The following NELL1 variants were observed in gnomAD, a reference collection of about 807,000 sequenced individuals.
The protein encoded by NELL1 is neural EGFL like 1.
NELL1 carries 76 observed loss-of-function variants against 107.4 expected under a neutral mutation model. That is an observed-to-expected ratio of 0.71 (90% CI 0.59 to 0.86). NELL1 has a LOEUF of 0.86. Among genes scored for constraint, NELL1 ranks in the 40% least tolerant of loss-of-function variants. The pLI is 0.00. For missense variants in NELL1, 1,024 were observed against 1,005.5 expected (o/e 1.02, Z -0.25); for synonymous variants, 353 against 341.2 (o/e 1.03, Z -0.38).
At chr11:20,998,916 A>G (rs1298210881) in intron 12 of NELL1, among the ~76,000 whole-genome samples, 4 of 152,162 alleles carry the variant, frequency 2.6e-5, no homozygotes, top group Non-Finnish European at 5.9e-5. Flanking sequence ...TTAAAATGAA[A>G]TATACATTTT....
intron 3 of NELL1, among the ~76,000 whole-genome samples, chr11:20,837,924 A>T (rs990123743): frequency 6.6e-6 from 1 of 152,120 alleles, no homozygotes; most frequent in African/African-American, 2.4e-5. Flanking sequence ...ATCCTCAAGG[A>T]GGTGGAATAT....
intron 2 of NELL1, among the ~76,000 whole-genome samples, chr11:20,719,039 T>C (rs1855317155): frequency 6.6e-6 from 1 of 152,220 alleles, no homozygotes. Flanking sequence ...AAGCATCTTC[T>C]AGAAGTGTAT....
At chr11:20,683,257 A>G (rs1304554726) in intron 2 of NELL1, among the ~76,000 whole-genome samples, 1 of 152,108 alleles carries the variant, frequency 6.6e-6, no homozygotes, top group East Asian at 1.9e-4. Flanking sequence ...TTATCTTTTA[A>G]GCAGATTTAG....
chr11:21,497,091 T>G (rs1855000225), intron 15 of NELL1, among the ~76,000 whole-genome samples: 1 of 146,438 alleles, frequency 6.8e-6, no homozygotes, highest in Non-Finnish European at 1.5e-5. Context: ...TAAGCATACG[T>G]GTGCATGTGT....
intron 2 of NELL1, among the ~76,000 whole-genome samples, chr11:20,719,707 A>T (rs1855334928): frequency 6.6e-6 from 1 of 152,166 alleles, no homozygotes; most frequent in African/African-American, 2.4e-5. Flanking sequence ...AAGCATGAGG[A>T]TTATTTTATT....
intron 13 of NELL1, among the ~76,000 whole-genome samples, chr11:21,148,495 T>C (rs1390313714): frequency 6.6e-6 from 1 of 152,220 alleles, no homozygotes; most frequent in Non-Finnish European, 1.5e-5. Flanking sequence ...GTTTTATTTT[T>C]GAAGTCAAGC....
intron 14 of NELL1, among the ~76,000 whole-genome samples, chr11:21,253,222 T>G (rs1030586479): frequency 1.1e-4 from 16 of 152,068 alleles, no homozygotes; most frequent in Admixed American, 8.5e-4. Flanking sequence ...AGAACCCAAG[T>G]TCTTTAATTC....
chr11:21,181,502 G>A (rs1394627446), intron 13 of NELL1, among the ~76,000 whole-genome samples: 1 of 151,890 alleles, frequency 6.6e-6, no homozygotes, highest in Non-Finnish European at 1.5e-5. Context: ...GCAGAAATGA[G>A]ATTGGAATCC....
chr11:20,827,188 C>A (rs1419832306), intron 3 of NELL1, among the ~76,000 whole-genome samples: 1 of 151,216 alleles, frequency 6.6e-6, no homozygotes, highest in Non-Finnish European at 1.5e-5. Context: ...ATTTCCAATT[C>A]CATGGACCCC....
intron 13 of NELL1, among the ~76,000 whole-genome samples, chr11:21,131,754 C>G (rs556154085): frequency 6.6e-6 from 1 of 152,220 alleles, no homozygotes; most frequent in East Asian, 1.9e-4. Flanking sequence ...AACTTTTGAA[C>G]AGATGTTTTA....
rs759075938 is a variant in NELL1 at position 21,575,637 on chromosome 11, A to G, written c.*615A>G. 4.0e-5 allele frequency: 6 copies of G among 151,892 alleles called. No individual in the cohort carries two copies. The highest frequency in any genetic ancestry group is 8.8e-5 in the Non-Finnish European group (6 of 67,874). The allele number at this position is 151,892 out of a possible 1,614,324, so 9.4% of individuals were successfully genotyped here. On this transcript the variant is annotated 3_prime_UTR_variant, in exon 20 of 20. Coordinates refer to ENST00000357134, the MANE Select transcript of NELL1 (RefSeq NM_006157.5). ...ATGACAAAGAGGGGAAGGGCCAAAA[A>G]CATAATCAAAGAATAATTTTAAAGA...
intron 14 of NELL1, among the ~76,000 whole-genome samples, chr11:21,243,842 T>TAA (rs60560878): frequency 8.6e-5 from 13 of 151,066 alleles, no homozygotes; most frequent in Middle Eastern, 3.2e-3. Context: ...TTAAATTAAT[T>TAA]AAAAAAAAAG....
At chr11:21,390,199 G>A (rs200309891) in intron 15 of NELL1, among the ~76,000 whole-genome samples, 3,562 of 151,354 alleles carry the variant, frequency 0.024, 51 homozygotes, top group East Asian at 0.069. Context: ...ATACTGGCTT[G>A]TAAAGTACCT....
At chr11:21,402,855 G>C (rs1852132396) in intron 15 of NELL1, among the ~76,000 whole-genome samples, 1 of 151,622 alleles carries the variant, frequency 6.6e-6, no homozygotes, top group African/African-American at 2.4e-5. Flanking sequence ...CTTCCCATTT[G>C]CTGCTAAAGT....
At chr11:21,185,997 G>T (rs16907631) in intron 13 of NELL1, among the ~76,000 whole-genome samples, 36,564 of 151,546 alleles carry the variant, frequency 0.24, 6,378 homozygotes, top group African/African-American at 0.48. Context: ...AGGCTCCTAA[G>T]GGCCAGGATG....
At chr11:21,110,782 T>G (rs1031920214) in intron 12 of NELL1, among the ~76,000 whole-genome samples, 2 of 152,246 alleles carry the variant, frequency 1.3e-5, no homozygotes, top group African/African-American at 4.8e-5. Flanking sequence ...CCAATGTGAT[T>G]TAGCCTTCAG....
chr11:21,298,613 T>C (rs1452046824), intron 14 of NELL1, among the ~76,000 whole-genome samples: 1 of 151,960 alleles, frequency 6.6e-6, no homozygotes, highest in East Asian at 1.9e-4. Context: ...CATAATCTAC[T>C]CTTGCCAAGA....
intron 15 of NELL1, among the ~76,000 whole-genome samples, chr11:21,479,002 C>A (rs1854422326): frequency 6.6e-6 from 1 of 152,060 alleles, no homozygotes; most frequent in African/African-American, 2.4e-5. Flanking sequence ...TCATCTCACC[C>A]CAGTTAAATG....
chr11:21,160,671 T>G (rs559426545), intron 13 of NELL1, among the ~76,000 whole-genome samples: 2 of 152,328 alleles, frequency 1.3e-5, no homozygotes, highest in African/African-American at 4.8e-5. Context: ...AAATAATTTA[T>G]TTTTGAATAT....
Sources: allele counts gnomAD v4.1 joint callset (sites outside exome capture counted in the v4.1 genomes callset), GRCh38; gene constraint gnomAD v4.1.1; transcripts MANE v1.5; gene names NCBI Gene and HGNC (gene_info 2026-07-23, HGNC 2026-07-21).